KCNIP4: variants seen among roughly 807,000 people sequenced by gnomAD.
The protein encoded by KCNIP4 is potassium voltage-gated channel interacting protein 4.
KCNIP4 carries 12 observed loss-of-function variants against 34.0 expected under a neutral mutation model. The ratio of observed to expected loss-of-function variants is 0.35; its 90% CI spans 0.23 to 0.57. The LOEUF is 0.57. Ranked by LOEUF, KCNIP4 falls within the 20% of genes least tolerant of loss-of-function variation. The pLI, the probability that KCNIP4 is intolerant of heterozygous loss-of-function variation, is 0.83. For synonymous variants in KCNIP4, 124 were observed against 102.2 expected (o/e 1.21, Z -1.29); for missense variants, 238 against 311.7 (o/e 0.76, Z 1.78).
rs73242514 is a variant in KCNIP4, at chr4:20,840,681, G to C, written c.288+9862C>G. Among the ~76,000 whole-genome samples, 1,340 of 152,156 alleles carry C rather than the reference G, an allele frequency of 8.8e-3. 16 individuals are homozygous for C. The highest frequency in any genetic ancestry group is 0.031 in the African/African-American group (1,273 of 41,510). On this transcript the variant is annotated intron_variant, in intron 3 of 8. Coordinates refer to ENST00000382152, the MANE Select transcript of KCNIP4 (RefSeq NM_025221.6). ...ATGAGTTGAACAGAAGTCCCATCCT[G>C]TCCCCAACGGAGTCACATAGGATTA...
rs183247713 is a variant in KCNIP4 at position 21,108,517 on chromosome 4, T to C, written c.62-225808A>G. On this transcript the variant is annotated intron_variant, in intron 1 of 8. Transcript: ENST00000382152. ...CATTCGTCTAAATTTTTTTCAAAGTTTTTAACTTCTTTGCCTTTGGTTTGA... is the reference window on the plus strand; with the variant it reads ...CATTCGTCTAAATTTTTTTCAAAGTCTTTAACTTCTTTGCCTTTGGTTTGA... 9.9e-5 allele frequency among the ~76,000 whole-genome samples: 15 copies of C among 151,696 alleles called. No individual in the cohort carries two copies. The East Asian group carries it at 2.9e-3, about 29-fold the overall frequency.
chr4:21,017,078 A>G (rs1396468648), intron 1 of KCNIP4, among the ~76,000 whole-genome samples: 1 of 152,230 alleles, frequency 6.6e-6, no homozygotes, highest in Non-Finnish European at 1.5e-5. Flanking sequence ...CCAAACTTCA[A>G]GAAATCTTAT....
chr4:21,929,031 G>A (rs147040677), intron 1 of KCNIP4, among the ~76,000 whole-genome samples: 24 of 152,206 alleles, frequency 1.6e-4, no homozygotes, highest in African/African-American at 5.5e-4. Context: ...CAGCACTTAG[G>A]AGGAGTAAAC....
chr4:21,675,521 C>G (rs1347114661), intron 1 of KCNIP4, among the ~76,000 whole-genome samples: 1 of 152,140 alleles, frequency 6.6e-6, no homozygotes, highest in African/African-American at 2.4e-5. Flanking sequence ...GTGCTTATTT[C>G]ACATTGCATG....
At chr4:21,598,813 C>T (rs911285727) in intron 1 of KCNIP4, among the ~76,000 whole-genome samples, 16 of 152,046 alleles carry the variant, frequency 1.1e-4, no homozygotes, top group South Asian at 2.1e-4. Flanking sequence ...ATCCAATTTA[C>T]GAATTTTCAG....
At chr4:21,857,021 G>A (rs754163474) in intron 1 of KCNIP4, among the ~76,000 whole-genome samples, 2 of 152,172 alleles carry the variant, frequency 1.3e-5, no homozygotes, top group East Asian at 1.9e-4. Flanking sequence ...CATGAACAGT[G>A]GCAGGAGGCA....
intron 1 of KCNIP4, among the ~76,000 whole-genome samples, chr4:21,022,511 A>G (rs1029490239): frequency 6.6e-6 from 1 of 152,256 alleles, no homozygotes; most frequent in Non-Finnish European, 1.5e-5. Flanking sequence ...TTTTGGCTAT[A>G]TACAAGGTGG....
chr4:21,328,660 C>T (rs1323288180), intron 1 of KCNIP4, among the ~76,000 whole-genome samples: 1 of 152,220 alleles, frequency 6.6e-6, no homozygotes, highest in African/African-American at 2.4e-5. Flanking sequence ...TATTTCCTTC[C>T]CTTCAGGGCG....
At chr4:21,805,506 C>T (rs1357151788) in intron 1 of KCNIP4, among the ~76,000 whole-genome samples, 1 of 152,108 alleles carries the variant, frequency 6.6e-6, no homozygotes, top group Non-Finnish European at 1.5e-5. Context: ...GAGGCCTCCC[C>T]AGCCGTGTGG....
intron 1 of KCNIP4, among the ~76,000 whole-genome samples, chr4:21,654,971 G>A (rs897660971): frequency 6.6e-6 from 1 of 151,786 alleles, no homozygotes; most frequent in Admixed American, 6.6e-5. Context: ...GTCTGCAAAG[G>A]GTGGAAAGAA....
At chr4:21,086,986 T>C (rs560082737) in intron 1 of KCNIP4, among the ~76,000 whole-genome samples, 11 of 149,092 alleles carry the variant, frequency 7.4e-5, no homozygotes, top group African/African-American at 2.7e-4. Context: ...TCTCTCTTTC[T>C]TTCTTTTTTT....
intron 1 of KCNIP4, among the ~76,000 whole-genome samples, chr4:21,141,936 G>T (rs969828309): frequency 6.6e-6 from 1 of 151,298 alleles, no homozygotes; most frequent in East Asian, 2.0e-4. Flanking sequence ...TGGATCACGA[G>T]GTCAGAAGTT....
At chr4:21,596,233 C>T (rs1238938745) in intron 1 of KCNIP4, among the ~76,000 whole-genome samples, 10 of 152,048 alleles carry the variant, frequency 6.6e-5, no homozygotes, top group Non-Finnish European at 1.5e-4. Flanking sequence ...TTATATTTTA[C>T]CATCTACAAT....
intron 1 of KCNIP4, among the ~76,000 whole-genome samples, chr4:21,539,264 C>T (rs932636904): frequency 6.6e-6 from 1 of 152,166 alleles, no homozygotes; most frequent in Non-Finnish European, 1.5e-5. Flanking sequence ...ATTTGAACTG[C>T]CACAAATGCA....
At chr4:20,803,189 T>A (rs1307342519) in intron 3 of KCNIP4, among the ~76,000 whole-genome samples, 2 of 148,534 alleles carry the variant, frequency 1.3e-5, no homozygotes, top group African/African-American at 5.0e-5. Context: ...TTGCAATAAA[T>A]GCCTACATTA....
At chr4:20,818,128 T>A (rs1400270414) in intron 3 of KCNIP4, among the ~76,000 whole-genome samples, 1 of 152,158 alleles carries the variant, frequency 6.6e-6, no homozygotes, top group Non-Finnish European at 1.5e-5. Flanking sequence ...ATGATTGCAA[T>A]ACCTCATGAG....
chr4:21,797,760 T>C (rs548014082), intron 1 of KCNIP4, among the ~76,000 whole-genome samples: 1 of 152,292 alleles, frequency 6.6e-6, no homozygotes, highest in African/African-American at 2.4e-5. Context: ...AGATAAGTTA[T>C]GTATTGATAT....
rs147924578 is a variant in KCNIP4 at position 21,348,786 on chromosome 4, C to A, written c.62-466077G>T. ...AAGCAACAATCCTAGAGACTTTTACCATCTGGCCTATGCTAGGAGCCAAAA... is the reference window on the plus strand; with the variant it reads ...AAGCAACAATCCTAGAGACTTTTACAATCTGGCCTATGCTAGGAGCCAAAA... On this transcript the variant is annotated intron_variant, in intron 1 of 8. Coordinates refer to ENST00000382152, the MANE Select transcript of KCNIP4 (RefSeq NM_025221.6). Among the ~76,000 whole-genome samples, 830 of 152,216 alleles carry A rather than the reference C, an allele frequency of 5.5e-3. 13 individuals carry two copies. The highest frequency in any genetic ancestry group is 0.019 in the African/African-American group (778 of 41,546).
chr4:20,967,802 T>G (rs1162493686), intron 1 of KCNIP4, among the ~76,000 whole-genome samples: 1 of 152,168 alleles, frequency 6.6e-6, no homozygotes, highest in East Asian at 1.9e-4. Context: ...AAGACTTAAA[T>G]GTAAGACCTA....
Sources: allele counts gnomAD v4.1 joint callset (sites outside exome capture counted in the v4.1 genomes callset), GRCh38; gene constraint gnomAD v4.1.1; transcripts MANE v1.5; gene names NCBI Gene and HGNC (gene_info 2026-07-23, HGNC 2026-07-21).